The following ZNF682 variants were observed in gnomAD, a reference collection of about 807,000 sequenced individuals.
The protein encoded by ZNF682 is zinc finger protein 682.
In ZNF682, 29 loss-of-function variants were observed where a neutral mutation model predicts 36.5. That is an observed-to-expected ratio of 0.80 (90% CI 0.59 to 1.08). The LOEUF (loss-of-function observed/expected upper bound fraction) is 1.08, where lower values mean the gene tolerates loss of function less well. Among genes scored for constraint, ZNF682 ranks in the 50% least tolerant of loss-of-function variants. The pLI, the probability that ZNF682 is intolerant of heterozygous loss-of-function variation, is 0.00. For missense variants in ZNF682, 561 were observed against 579.7 expected, an observed-to-expected ratio of 0.97 and a Z score of 0.33; for synonymous variants, 180 against 197.0, an observed-to-expected ratio of 0.91 and a Z score of 0.72.
chr19:20,031,056 C>T (rs973553917), intron 1 of ZNF682: 1 of 152,274 alleles, frequency 6.6e-6, no homozygotes, highest in Non-Finnish European at 1.5e-5. Context: ...AGAGGGTCTA[C>T]AGTCACTCTG....
chr19:19,997,282 AT>A (rs767671842), intron 3 of ZNF682: 323 of 398,486 alleles, frequency 8.1e-4, no homozygotes, highest in Non-Finnish European at 1.0e-3. Context: ...GAAATGAGCT[AT>A]GTCCCCATCT....
Position 20,026,528 on chromosome 19 carries a change from G to A in ZNF682, c.4-2152C>T, listed in dbSNP as rs183997365. On this transcript the variant is annotated intron_variant, in intron 1 of 3. Transcript: ENST00000397165. ...TCGCCCAGGCTGGAGTGCAGTGAGTGGCATGATCCCGGCTCACTGCAACCT... is the reference window on the plus strand; with the variant it reads ...TCGCCCAGGCTGGAGTGCAGTGAGTAGCATGATCCCGGCTCACTGCAACCT... Among the ~76,000 whole-genome samples, 679 of 152,208 alleles carry A rather than the reference G, an allele frequency of 4.5e-3. 2 individuals are homozygous for A. Among genetic ancestry groups the A allele is most frequent in the Non-Finnish European group, 6.8e-3 (463 of 68,014 alleles).
chr19:20,033,813 C>CA (rs1406277877), intron 1 of ZNF682: 1 of 152,662 alleles, frequency 6.6e-6, no homozygotes, highest in African/African-American at 2.4e-5. Context: ...CTTGGCCTCC[C>CA]AAAGTGCTGG....
At chr19:20,039,048 G>T (rs543764148) in intron 1 of ZNF682, 2 of 1,011,748 alleles carry the variant, frequency 2.0e-6, no homozygotes, top group Admixed American at 6.3e-5. Flanking sequence ...CCCTGAGGAC[G>T]CTTCCATTGT....
intron 1 of ZNF682, among the ~76,000 whole-genome samples, chr19:20,030,422 T>C (rs143187995): frequency 6.6e-6 from 1 of 151,638 alleles, no homozygotes; most frequent in East Asian, 1.9e-4. Flanking sequence ...ACACAGAAAT[T>C]AGCCGGGCGT....
intron 3 of ZNF682, among the ~76,000 whole-genome samples, chr19:20,011,217 C>T (rs1014614960): frequency 3.3e-5 from 5 of 152,158 alleles, no homozygotes; most frequent in East Asian, 3.9e-4. Flanking sequence ...AAAAGACAAA[C>T]ACATTACATA....
At position 20,006,504 on chromosome 19, in the gene ZNF682, C is replaced by G. The variant is rs761167607; in HGVS notation, c.998G>C (p.Arg333Thr). ...ATAGGGTTTCTCTCCCGTATGGGTT[C>G]TCTCATGTATAGTAAGTAGTGAGCA... is the stretch of plus-strand genomic sequence containing the variant. ...NHCSLLTIHE[R>T]THTGEKPYKC... The change falls in exon 4 of 4, where the codon AGA becomes ACA. Residue 333 changes from arginine to threonine, a missense_variant. Transcript: ENST00000397165. The G allele has an allele frequency of 1.2e-6, 2 of 1,613,938 alleles. No homozygotes were observed. The highest frequency in any genetic ancestry group is 1.3e-5 in the African/African-American group (1 of 74,912).
chr19:20,026,935 G>T (rs1332728707), intron 1 of ZNF682, among the ~76,000 whole-genome samples: 2 of 152,080 alleles, frequency 1.3e-5, no homozygotes, highest in Non-Finnish European at 2.9e-5. Flanking sequence ...TTTATAAGAA[G>T]AAAAGGAGGA....
At chr19:20,034,774 CA>C (rs34063491) in intron 1 of ZNF682, among the ~76,000 whole-genome samples, 65,171 of 133,856 alleles carry the variant, frequency 0.49, 17,317 homozygotes, top group Middle Eastern at 0.61. Context: ...AACTCCATCT[CA>C]AAAAAAAAAA....
At chr19:20,003,164 G>A (rs1228840628), downstream of ZNF682, among the ~76,000 whole-genome samples, 7 of 122,428 alleles carry the variant, frequency 5.7e-5, no homozygotes, top group Admixed American at 5.7e-4. Flanking sequence ...GCACTCCAGC[G>A]TGGGCGACAG....
At chr19:20,003,103 A>C (rs1468583581), downstream of ZNF682, among the ~76,000 whole-genome samples, 4 of 138,232 alleles carry the variant, frequency 2.9e-5, no homozygotes, top group Non-Finnish European at 6.2e-5. Flanking sequence ...AGGCAGGAGA[A>C]TGGCGTGCAC....
At chr19:20,014,614 CAAAAAAA>C (rs55756913) in intron 3 of ZNF682, among the ~76,000 whole-genome samples, 10 of 140,250 alleles carry the variant, frequency 7.1e-5, no homozygotes, top group Admixed American at 2.8e-4. Context: ...TACTAGAATA[CAAAAAAA>C]AAAAAAAAAT....
Position 20,006,231 on chromosome 19 carries a change from G to A in ZNF682, c.1271C>T (p.Pro424Leu), listed in dbSNP as rs758893719. Reference sequence around the variant, plus strand: ...TTTTCCACATTCTTCACAGTTGTAGGGTTTCTCTCCAGTATGAATTCTCTT... The same window carrying A: ...TTTTCCACATTCTTCACAGTTGTAGAGTTTCTCTCCAGTATGAATTCTCTT... ...EHKRIHTGEK[P>L]YNCEECGKAF... Residue 424 changes from proline to leucine, a missense_variant, in exon 4 of 4, where the codon CCC becomes CTC. Physicochemically the swap from Pro to Leu is moderately conservative, Grantham distance 98 (BLOSUM62 -3). Coordinates refer to ENST00000397165, the MANE Select transcript of ZNF682 (RefSeq NM_033196.3). The A allele has an allele frequency of 6.8e-6, 11 of 1,613,326 alleles. No homozygotes were observed. Among genetic ancestry groups the A allele is most frequent in the Non-Finnish European group, 8.5e-6 (10 of 1,179,866 alleles).
At chr19:20,003,634 G>A (rs978507288), downstream of ZNF682, among the ~76,000 whole-genome samples, 1 of 151,944 alleles carries the variant, frequency 6.6e-6, no homozygotes, top group Non-Finnish European at 1.5e-5. Context: ...GAACCTGGGA[G>A]GTGGAGCTTG....
intron 1 of ZNF682, among the ~76,000 whole-genome samples, chr19:20,038,805 G>A (rs1243381358): frequency 6.6e-6 from 1 of 152,094 alleles, no homozygotes; most frequent in Non-Finnish European, 1.5e-5. Context: ...TACTGAATTC[G>A]GTTTGCTTCA....
intron 1 of ZNF682, among the ~76,000 whole-genome samples, chr19:20,033,033 A>T (rs1245458651): frequency 6.6e-6 from 1 of 152,168 alleles, no homozygotes; most frequent in Non-Finnish European, 1.5e-5. Flanking sequence ...TGGGAGGCCG[A>T]GGTGGGCAGA....
chr19:20,005,927 G>A lies in ZNF682; in HGVS notation c.*78C>T, dbSNP rs2088210641. ...TTCTCTCCAGTATGAATTATCTTGT[G>A]ATTTCAATGCCTTGAGCAAGATTTA... On this transcript the variant is annotated 3_prime_UTR_variant, in exon 4 of 4. Coordinates refer to ENST00000397165, the MANE Select transcript of ZNF682 (RefSeq NM_033196.3). The A allele has an allele frequency of 1.5e-6, 2 of 1,354,718 alleles. No homozygotes were observed. The highest frequency in any genetic ancestry group is 2.0e-6 in the Non-Finnish European group (2 of 989,762). 83.9% of individuals were successfully genotyped at this position (1,354,718 alleles called of 1,614,324 possible).
In ZNF682 at chr19:20,006,410, G is replaced by A. The variant is rs370588968; in HGVS notation, c.1092C>T (p.Ser364=). ...SILTEHKVIH[S]GEKPYKCEKC... ...TTTCACATTTGTAGGGTTTCTCTCC[G>A]CTATGAATTACCTTATGTTCAGTAA... The change falls in exon 4 of 4, where the codon AGC becomes AGT. Residue 364 remains serine, a synonymous_variant. Coordinates refer to ENST00000397165, the MANE Select transcript of ZNF682 (RefSeq NM_033196.3). 1.7e-4 allele frequency: 275 copies of A among 1,610,926 alleles called. 1 individual carries two copies. The highest frequency in any genetic ancestry group is 1.7e-3 in the South Asian group (152 of 90,878).
intron 1 of ZNF682, among the ~76,000 whole-genome samples, chr19:20,036,814 GAAAA>G (rs869238931): frequency 1.0e-4 from 2 of 19,868 alleles, no homozygotes; most frequent in Non-Finnish European, 2.2e-4. Context: ...AAAAAAAAAA[GAAAA>G]AAAAAAAAAA....
Sources: gnomAD v4.1 joint callset for allele counts (sites outside exome capture counted in the v4.1 genomes callset) on GRCh38, gnomAD v4.1.1 for gene constraint, MANE v1.5 for transcripts, NCBI Gene and HGNC (gene_info 2026-07-23, HGNC 2026-07-21) for gene names.